The following RPS20 variants were observed in gnomAD, a reference collection of about 807,000 sequenced individuals.
The protein encoded by RPS20 is small ribosomal subunit protein uS10.
In RPS20, 3 loss-of-function variants were observed where a neutral mutation model predicts 15.3. The observed-to-expected ratio is 0.20, with a 90% confidence interval of 0.09 to 0.51. The LOEUF is 0.51. RPS20 is among the 20% of genes least tolerant of loss of function. The pLI is 0.96. For missense variants in RPS20, 67 were observed against 145.9 expected (o/e 0.46, Z 2.79); for synonymous variants, 62 against 47.8 (o/e 1.30, Z -1.23).
intron 1 of RPS20, 32 bp from the exon 2 acceptor site, chr8:56,074,191 G>A (rs766219198): frequency 2.3e-5 from 36 of 1,580,342 alleles, no homozygotes; most frequent in African/African-American, 4.0e-5. Context: ...AGAACAATAA[G>A]CCAAAAATGG....
intron 2 of RPS20, 142 bp from the exon 3 acceptor site, chr8:56,073,910 A>G: frequency 9.3e-7 from 1 of 1,079,730 alleles, no homozygotes; most frequent in Non-Finnish European, 1.4e-6. Context: ...CAGCTGTATG[A>G]CAGTAAAAGC....
At chr8:56,068,823 T>C (rs1199354347), downstream of RPS20, among the ~76,000 whole-genome samples, 1 of 111,612 alleles carries the variant, frequency 9.0e-6, no homozygotes, top group Non-Finnish European at 1.8e-5. Context: ...TTTTTTTTTT[T>C]TTTTTTTTTT....
At chr8:56,068,558 G>A (rs1378120275), downstream of RPS20, 1 of 143,600 alleles carries the variant, frequency 7.0e-6, no homozygotes, top group Admixed American at 7.0e-5. Flanking sequence ...AAAAAATTAA[G>A]AGAAGTTATG....
chr8:56,067,710 T>G (rs1277384080), exon 6 of RPS20: 1 of 150,906 alleles, frequency 6.6e-6, no homozygotes, highest in African/African-American at 2.4e-5. Context: ...GGAAAAATCC[T>G]GCCACATGAT....
exon 6 of RPS20, chr8:56,068,053 C>T (rs1288244335): frequency 6.6e-6 from 1 of 152,102 alleles, no homozygotes; most frequent in African/African-American, 2.4e-5. Flanking sequence ...AATTTGCTTT[C>T]AAATAATCTG....
In RPS20 at chr8:56,074,158, G is replaced by A. The variant is rs753426252; in HGVS notation, c.5C>T (p.Ala2Val). Residue 2 changes from alanine (A) to valine (V), a missense_variant and splice_region_variant, in exon 2 of 4, where the codon GCT becomes GTT. Ala to Val is a moderately conservative substitution (Grantham distance 64). Coordinates refer to ENST00000009589, the MANE Select transcript of RPS20 (RefSeq NM_001023.4). ...GGGTGTTTTTCCGGTATCCTTAAAA[G>A]CCTATTATTAGATACATGAAAAAGA... MAFKDTGKTPVE... is the reference protein window; with the variant it reads MVFKDTGKTPVE... 24 of 1,609,832 alleles carry A rather than the reference G, an allele frequency of 1.5e-5. No individual in the cohort carries two copies. The Admixed American group carries it at 1.8e-4, about 12-fold the overall frequency.
intron 3 of RPS20, 106 bp from the exon 4 acceptor site, chr8:56,073,378 T>C: frequency 1.2e-6 from 1 of 801,930 alleles, no homozygotes; most frequent in Admixed American, 2.4e-5. Context: ...CCCTTTGGTA[T>C]GATTCCAATT....
At chr8:56,072,094 T>C (rs1049529181), downstream of RPS20, among the ~76,000 whole-genome samples, 1 of 152,052 alleles carries the variant, frequency 6.6e-6, no homozygotes, top group Non-Finnish European at 1.5e-5. Context: ...AACAATTAGC[T>C]GGGCATGGTA....
At chr8:56,070,350 T>C (rs1809717292), downstream of RPS20, among the ~76,000 whole-genome samples, 1 of 152,222 alleles carries the variant, frequency 6.6e-6, no homozygotes, top group African/African-American at 2.4e-5. Context: ...TCTGTCTGAC[T>C]GCATGGCTAG....
Position 56,073,259 on chromosome 8 carries a change from G to A in RPS20, c.191C>T (p.Thr64Ile), listed in dbSNP as rs142278807. 4.4e-6 allele frequency: 7 copies of A among 1,605,244 alleles called. No individual in the cohort carries two copies. The highest frequency in any genetic ancestry group is 5.1e-6 in the Non-Finnish European group (6 of 1,175,602). Residue 64 changes from threonine to isoleucine, a missense_variant, in exon 4 of 4, where the codon ACT (threonine) becomes ATT (isoleucine). Physicochemically the swap from Thr to Ile is moderately conservative, Grantham distance 89 (BLOSUM62 -1). Coordinates refer to ENST00000009589, the MANE Select transcript of RPS20 (RefSeq NM_001023.4). ...VRMPTKTLRI[T>I]TRKTPCGEGS... Reference sequence around the variant, plus strand: ...TTCACCACAAGGAGTTTTTCTTGTAGTGATTCTCAAAGTCTGTAACAAAAG... The same window carrying A: ...TTCACCACAAGGAGTTTTTCTTGTAATGATTCTCAAAGTCTGTAACAAAAG...
intron 2 of RPS20, 129 bp from the exon 3 acceptor site, chr8:56,073,897 C>A: frequency 9.2e-7 from 1 of 1,087,260 alleles, no homozygotes; most frequent in South Asian, 1.2e-5. Context: ...ACCTCCTCAT[C>A]GCCAGCTGTA....
In RPS20 at chr8:56,074,416, T is replaced by C. The variant is rs1295664808; in HGVS notation, c.-33A>G. 2 of 1,552,934 alleles carry C rather than the reference T, an allele frequency of 1.3e-6. No individual in the cohort carries two copies. The highest frequency in any genetic ancestry group is 1.7e-6 in the Non-Finnish European group (2 of 1,155,168). On this transcript the variant is annotated 5_prime_UTR_variant, in exon 1 of 4. Transcript: ENST00000009589. ...GCGCGCGGGCTTCCTGACCGACTTG[T>C]TCCTCGGCGAGAGCGAACAGCGGTG...
chr8:56,073,061 C>T lies in RPS20; in HGVS notation c.*29G>A, dbSNP rs769020380. On this transcript the variant is annotated 3_prime_UTR_variant, in exon 4 of 4. Coordinates refer to ENST00000009589, the MANE Select transcript of RPS20 (RefSeq NM_001023.4). ...AATAAAAACCAACAGAAGTTAACAA[C>T]TGGTCATCAATTTATTAAAATAGTT... 3.8e-6 allele frequency: 6 copies of T among 1,586,130 alleles called. No homozygotes were observed. The African/African-American group carries it at 8.1e-5, about 21-fold the overall frequency.
intron 1 of RPS20, 82 bp downstream of exon 1, chr8:56,074,299 C>A: frequency 6.5e-7 from 1 of 1,544,848 alleles, no homozygotes; most frequent in South Asian, 1.1e-5. Flanking sequence ...GGCATCTGCC[C>A]TCAGGAGCAC....
In RPS20 at chr8:56,073,714, G is replaced by T. The variant is rs370331305; in HGVS notation, c.158C>A (p.Pro53Gln). The change falls in exon 3 of 4, where the codon CCA becomes CAA. Residue 53 changes from proline (P) to glutamine (Q), a missense_variant. Transcript: ENST00000009589. The stretch of plus-strand genomic sequence containing the variant: ...CTTTACCTTGGTAGGCATTCGAACT[G>T]GTCCTTTCACTTTGAGATTCTTTTC... ...AKEKNLKVKGPVRMPTKTLRI... is the reference protein window; with the variant it reads ...AKEKNLKVKGQVRMPTKTLRI... 3.7e-6 allele frequency: 6 copies of T among 1,613,798 alleles called. No homozygotes were observed. The African/African-American group carries it at 8.0e-5, about 22-fold the overall frequency.
intron 3 of RPS20, 161 bp from the exon 4 acceptor site, chr8:56,073,433 C>T (rs930649684): frequency 6.2e-6 from 4 of 648,162 alleles, no homozygotes; most frequent in Non-Finnish European, 1.1e-5. Flanking sequence ...AATGCCAGGT[C>T]TGTTTTCACT....
At chr8:56,072,988 G>T, downstream of RPS20, 3 of 1,479,494 alleles carry the variant, frequency 2.0e-6, no homozygotes, top group Non-Finnish European at 2.7e-6. Context: ...CTGAAAAGTG[G>T]AAGTCTCATA....
At position 56,073,542 on chromosome 8, in the gene RPS20, A is replaced by G. The variant is rs1422236986; in HGVS notation, c.177+153T>C. On this transcript the variant is annotated intron_variant, in intron 3 of 3. Transcript: ENST00000009589. Reference sequence around the variant, plus strand: ...CAACAATCATATCTAAACATTAGCTACTTACTAGGAACCGCAATCTACCAC... The same window carrying G: ...CAACAATCATATCTAAACATTAGCTGCTTACTAGGAACCGCAATCTACCAC... 12 of 700,326 alleles carry G rather than the reference A, an allele frequency of 1.7e-5. 1 individual carries two copies. In the Admixed American group the frequency reaches 2.5e-4, roughly 15 times the overall value. The allele number at this position is 700,326 out of a possible 1,614,324, so 43.4% of individuals were successfully genotyped here. A position where few individuals can be genotyped will look rare whatever the true frequency, so the allele number is the denominator to read the frequency against.
downstream of RPS20, among the ~76,000 whole-genome samples, chr8:56,070,161 G>T (rs1024977113): frequency 6.6e-6 from 1 of 152,154 alleles, no homozygotes; most frequent in Non-Finnish European, 1.5e-5. Flanking sequence ...ATCAGTGAGA[G>T]AAATCTATTC....
Sources: allele counts gnomAD v4.1 joint callset (sites outside exome capture counted in the v4.1 genomes callset), GRCh38; gene constraint gnomAD v4.1.1; transcripts MANE v1.5; gene names NCBI Gene and HGNC (gene_info 2026-07-23, HGNC 2026-07-21).